DIS3L2: variants seen among roughly 807,000 people sequenced by gnomAD.
The protein encoded by DIS3L2 is DIS3 like 3'-5' exoribonuclease 2, also known as DIS3-like exonuclease 2.
DIS3L2 carries 34 observed loss-of-function variants against 97.5 expected under a neutral mutation model. That is an observed-to-expected ratio of 0.35 (90% CI 0.27 to 0.46). DIS3L2 has a LOEUF of 0.46. DIS3L2 is among the 20% of genes least tolerant of loss of function. The pLI, the probability that DIS3L2 is intolerant of heterozygous loss-of-function variation, is 1.00. For missense variants in DIS3L2, 1,038 were observed against 1,146.0 expected, an observed-to-expected ratio of 0.91 and a Z score of 1.36; for synonymous variants, 435 against 445.2, an observed-to-expected ratio of 0.98 and a Z score of 0.29.
intron 6 of DIS3L2, among the ~76,000 whole-genome samples, chr2:232,123,872 A>C (rs3103267): frequency 0.7 from 107,166 of 152,034 alleles, 38,916 homozygotes; most frequent in African/African-American, 0.79. Context: ...AGCAGCTCTC[A>C]CATGGAAATG....
rs930086418 is a variant in DIS3L2 at position 232,258,356 on chromosome 2, G to A, written c.1426-4851G>A. The stretch of plus-strand genomic sequence containing the variant: ...TCCCAGCACTTTGGGAGGCCAAAGC[G>A]GGCGGATCACGAGGTCTGGAGTTAG... On this transcript the variant is annotated intron_variant, in intron 12 of 20. Transcript: ENST00000325385. Among the ~76,000 whole-genome samples, 11 of 152,084 alleles carry A rather than the reference G, an allele frequency of 7.2e-5. 1 individual carries two copies. Among genetic ancestry groups the A allele is most frequent in the Admixed American group, 5.9e-4 (9 of 15,278 alleles).
In DIS3L2 at chr2:232,210,398, C is replaced by T. The variant is rs758998342; in HGVS notation, c.1197C>T (p.Leu399=). 5.6e-6 allele frequency: 9 copies of T among 1,613,258 alleles called. No individual in the cohort carries two copies. Among genetic ancestry groups the T allele is most frequent in the Admixed American group, 1.7e-5 (1 of 59,994 alleles). ...ATGATGCCCTCTCCTGCAAGCCACTCGCTGACGGTAGGATGGAAATTTCTA... is the reference window on the plus strand; with the variant it reads ...ATGATGCCCTCTCCTGCAAGCCACTTGCTGACGGTAGGATGGAAATTTCTA... ...DLDDALSCKP[L]ADGNFKVGVH... is the part of the protein sequence containing the mutation. Residue 399 remains leucine (L), a synonymous_variant, in exon 10 of 21, where the codon CTC becomes CTT. Transcript: ENST00000325385.
At chr2:232,288,889 T>G (rs1488251669) in intron 13 of DIS3L2, among the ~76,000 whole-genome samples, 1 of 152,178 alleles carries the variant, frequency 6.6e-6, no homozygotes, top group Non-Finnish European at 1.5e-5. Flanking sequence ...TTGAGAGGAC[T>G]TACAACAAAG....
intron 14 of DIS3L2, 114 bp from the exon 15 acceptor site, chr2:232,329,699 A>T: frequency 9.0e-7 from 1 of 1,109,222 alleles, no homozygotes; most frequent in Non-Finnish European, 1.2e-6. Flanking sequence ...GGTTGTCTTT[A>T]AGCTGAGACC....
rs1487969643 is a variant in DIS3L2 at position 232,336,562 on chromosome 2, G to A, written c.2590G>A (p.Gly864Ser). The change falls in exon 21 of 21, where the codon GGC becomes AGC. Residue 864 changes from glycine to serine, a missense_variant. This residue lies in a region of DIS3L2 where 221 missense variants were observed against 246.9 expected (regional missense o/e 0.90). Transcript: ENST00000325385. Reference protein sequence around the residue: ...SAILKRPGTQGHLGPEKEEEE... With the variant: ...SAILKRPGTQSHLGPEKEEEE... ...CATCCTGAAGCGGCCAGGCACCCAGGGCCACCTGGGCCCTGAGAAGGAGGA... is the reference window on the plus strand; with the variant it reads ...CATCCTGAAGCGGCCAGGCACCCAGAGCCACCTGGGCCCTGAGAAGGAGGA... The A allele has an allele frequency of 3.7e-6, 6 of 1,609,404 alleles. No individual in the cohort carries two copies. The highest frequency in any genetic ancestry group is 5.1e-6 in the Non-Finnish European group (6 of 1,179,970).
intron 9 of DIS3L2, among the ~76,000 whole-genome samples, chr2:232,168,337 A>G (rs540255718): frequency 4.9e-4 from 74 of 152,300 alleles, no homozygotes; most frequent in African/African-American, 1.5e-3. Context: ...CATATGACTG[A>G]TAGCCATTGT....
intron 5 of DIS3L2, among the ~76,000 whole-genome samples, chr2:232,084,697 GA>G (rs1159580753): frequency 6.6e-6 from 1 of 151,842 alleles, no homozygotes; most frequent in Non-Finnish European, 1.5e-5. Context: ...AATCTGACAT[GA>G]GTCAAAACAA....
chr2:232,200,250 A>G lies in DIS3L2; in HGVS notation c.1125-10076A>G, dbSNP rs181787353. Among the ~76,000 whole-genome samples, 979 of 152,322 alleles carry G rather than the reference A, an allele frequency of 6.4e-3. 20 individuals carry two copies. Among genetic ancestry groups the G allele is most frequent in the Admixed American group, 0.049 (742 of 15,288 alleles). ...CAGCATTTAGGTTGAACCACATGAA[A>G]TTGCCAGTTTTTAGGCCACAAATAG... On this transcript the variant is annotated intron_variant, in intron 9 of 20. Transcript: ENST00000325385.
At chr2:232,028,203 C>T (rs1694712257) in intron 4 of DIS3L2, among the ~76,000 whole-genome samples, 2 of 152,262 alleles carry the variant, frequency 1.3e-5, no homozygotes, top group South Asian at 4.2e-4. Context: ...TATTTTTCTT[C>T]CAGGGAAGTT....
chr2:232,303,724 C>T (rs1330042178), intron 14 of DIS3L2, among the ~76,000 whole-genome samples: 1 of 152,174 alleles, frequency 6.6e-6, no homozygotes, highest in African/African-American at 2.4e-5. Flanking sequence ...ATCAGCCCTC[C>T]ATTAACGGGA....
chr2:232,112,165 T>C (rs764491693), intron 6 of DIS3L2, among the ~76,000 whole-genome samples: 1 of 152,212 alleles, frequency 6.6e-6, no homozygotes, highest in Non-Finnish European at 1.5e-5. Context: ...AGAGGGCTTC[T>C]TTGTGGTAAA....
chr2:232,310,324 A>G (rs1695089956), intron 14 of DIS3L2, among the ~76,000 whole-genome samples: 1 of 152,178 alleles, frequency 6.6e-6, no homozygotes, highest in South Asian at 2.1e-4. Flanking sequence ...CTGCAGCTGT[A>G]TTGTGCACGT....
chr2:232,270,920 C>CTCT (rs1491428926), intron 13 of DIS3L2, among the ~76,000 whole-genome samples: 1 of 110,572 alleles, frequency 9.0e-6, no homozygotes, highest in East Asian at 2.8e-4. Context: ...CTCTCTGTCT[C>CTCT]GTCTCTCTCT....
At chr2:232,182,696 G>T (rs1691325778) in intron 9 of DIS3L2, among the ~76,000 whole-genome samples, 1 of 151,888 alleles carries the variant, frequency 6.6e-6, no homozygotes, top group Non-Finnish European at 1.5e-5. Flanking sequence ...AACACTTTTT[G>T]CCTTGAATTC....
At chr2:232,312,324 T>A (rs1190255647) in intron 14 of DIS3L2, among the ~76,000 whole-genome samples, 1 of 152,226 alleles carries the variant, frequency 6.6e-6, no homozygotes, top group Admixed American at 6.5e-5. Context: ...GTTTATTTTT[T>A]CATATGGGTA....
intron 7 of DIS3L2, 74 bp from the exon 8 acceptor site, chr2:232,136,397 TA>T: frequency 6.4e-7 from 1 of 1,560,634 alleles, no homozygotes. Flanking sequence ...GATCAAATTA[TA>T]ACCTGCTGAC....
intron 13 of DIS3L2, among the ~76,000 whole-genome samples, chr2:232,275,222 C>T (rs1574987425): frequency 1.3e-5 from 2 of 152,210 alleles, no homozygotes; most frequent in South Asian, 4.1e-4. Flanking sequence ...GTGCGGAACA[C>T]CATCAGCTTT....
intron 1 of DIS3L2, among the ~76,000 whole-genome samples, chr2:231,988,095 G>A (rs368941604): frequency 1.3e-5 from 2 of 152,146 alleles, no homozygotes; most frequent in Non-Finnish European, 2.9e-5. Flanking sequence ...CACCTGCCTC[G>A]GCTTCCCAAA....
intron 6 of DIS3L2, among the ~76,000 whole-genome samples, chr2:232,108,922 G>A (rs1697438351): frequency 6.6e-6 from 1 of 152,054 alleles, no homozygotes; most frequent in South Asian, 2.1e-4. Context: ...GCAAACAAAG[G>A]GAAAAACATT....
Sources: gnomAD v4.1 joint callset for allele counts (sites outside exome capture counted in the v4.1 genomes callset) on GRCh38, gnomAD v4.1.1 for gene constraint, gnomAD v4.1.1 regional missense constraint, MANE v1.5 for transcripts, NCBI Gene and HGNC (gene_info 2026-07-23, HGNC 2026-07-21) for gene names.